CLNK: variants seen among roughly 807,000 people sequenced by gnomAD.
The protein encoded by CLNK is cytokine dependent hematopoietic cell linker, also known as cytokine-dependent hematopoietic cell linker.
In CLNK, 74 loss-of-function variants were observed where a neutral mutation model predicts 68.6. The ratio of observed to expected loss-of-function variants is 1.08; its 90% CI spans 0.89 to 1.31. The LOEUF (loss-of-function observed/expected upper bound fraction) is 1.31, where lower values mean the gene tolerates loss of function less well. Ranked by LOEUF, CLNK falls within the 50% of genes most tolerant of loss-of-function variation. The probability of loss-of-function intolerance (pLI) is 0.00; values close to 1 mark genes in which losing one functional copy is unlikely to be tolerated. For synonymous variants in CLNK, 198 were observed against 172.2 expected (o/e 1.15, Z -1.17); for missense variants, 553 against 515.3 (o/e 1.07, Z -0.71).
intron 2 of CLNK, among the ~76,000 whole-genome samples, chr4:10,637,819 G>T (rs1005970926): frequency 6.6e-6 from 1 of 150,378 alleles, no homozygotes; most frequent in Non-Finnish European, 1.5e-5. Flanking sequence ...AGCCAGGATG[G>T]TCTCGATCTC....
intron 2 of CLNK, among the ~76,000 whole-genome samples, chr4:10,631,111 C>T (rs1722873142): frequency 6.6e-6 from 1 of 151,188 alleles, no homozygotes; most frequent in Admixed American, 6.6e-5. Context: ...CTCTTTTGGC[C>T]TTCTGTGTCT....
chr4:10,501,284 G>T lies in CLNK; in HGVS notation c.1112C>A (p.Ala371Asp), dbSNP rs1301603094. The change falls in exon 18 of 19, where the codon GCC becomes GAC. Residue 371 changes from alanine (A) to aspartate (D), a missense_variant. Physicochemically the swap from Ala to Asp is moderately radical, Grantham distance 126. Transcript: ENST00000226951. The stretch of plus-strand genomic sequence containing the variant: ...ATCTCCTCTGAGTCCTGTCCCCAGG[G>T]CAAACTGCTGATTCCTCTCCAGGAA... Reference protein sequence around the residue: ...IRFLERNQQFALGTGLRGDEK... With the variant: ...IRFLERNQQFDLGTGLRGDEK... The T allele has an allele frequency of 5.0e-6, 8 of 1,601,184 alleles. 1 individual carries two copies. In the South Asian group the frequency reaches 9.0e-5, roughly 18 times the overall value.
chr4:10,520,858 A>G, intron 14 of CLNK, 27 bp from the exon 15 acceptor site: 1 of 1,554,604 alleles, frequency 6.4e-7, no homozygotes, highest in Non-Finnish European at 8.8e-7. Flanking sequence ...TAAAATTCAA[A>G]GAATGTTAGT....
At chr4:10,599,241 C>T (rs1056756403) in intron 2 of CLNK, among the ~76,000 whole-genome samples, 1 of 152,094 alleles carries the variant, frequency 6.6e-6, no homozygotes, top group Non-Finnish European at 1.5e-5. Context: ...GACACTCACA[C>T]ATGTACACAA....
intron 18 of CLNK, among the ~76,000 whole-genome samples, chr4:10,495,082 C>G (rs1716753004): frequency 1.3e-5 from 2 of 151,684 alleles, no homozygotes; most frequent in Non-Finnish European, 2.9e-5. Context: ...AGGAAGGAGA[C>G]AGAGAAGGTG....
At position 10,556,378 on chromosome 4, in the gene CLNK, G is replaced by A. The variant is rs189435028; in HGVS notation, c.445+2029C>T. On this transcript the variant is annotated intron_variant, in intron 8 of 18. Coordinates refer to ENST00000226951, the MANE Select transcript of CLNK (RefSeq NM_052964.4). Reference sequence around the variant, plus strand: ...TCTTTATTTTAATTATGTCATCTATGTAGATTTTCTTCTATTTTATTGTTC... The same window carrying A: ...TCTTTATTTTAATTATGTCATCTATATAGATTTTCTTCTATTTTATTGTTC... 3.2e-4 allele frequency among the ~76,000 whole-genome samples: 49 copies of A among 152,212 alleles called. 1 individual carries two copies. The highest frequency in any genetic ancestry group is 6.8e-3 in the Middle Eastern group (2 of 294).
chr4:10,580,183 T>A (rs1342342138), intron 4 of CLNK, among the ~76,000 whole-genome samples: 1 of 152,202 alleles, frequency 6.6e-6, no homozygotes, highest in Non-Finnish European at 1.5e-5. Flanking sequence ...CCTAATGATG[T>A]TGTAGCCATT....
At chr4:10,539,705 T>G (rs1254912580) in intron 11 of CLNK, among the ~76,000 whole-genome samples, 1 of 152,208 alleles carries the variant, frequency 6.6e-6, no homozygotes, top group East Asian at 1.9e-4. Context: ...GTACTTAATA[T>G]CAGAGGGATG....
the CLNK span, among the ~76,000 whole-genome samples, chr4:10,728,988 T>G: frequency 6.6e-6 from 1 of 152,224 alleles, no homozygotes; most frequent in Non-Finnish European, 1.5e-5. Context: ...ATACAGCAAT[T>G]AATTATTCTG....
At chr4:10,608,405 C>A (rs2108852120) in intron 2 of CLNK, among the ~76,000 whole-genome samples, 3 of 152,294 alleles carry the variant, frequency 2.0e-5, no homozygotes, top group Middle Eastern at 6.8e-3. Context: ...CTTCTGGTAC[C>A]AGCACAGATG....
chr4:10,719,059 C>T, the CLNK span, among the ~76,000 whole-genome samples: 1 of 151,938 alleles, frequency 6.6e-6, no homozygotes, highest in African/African-American at 2.4e-5. Flanking sequence ...CAGTCAAAAA[C>T]TCCATAGATA....
At chr4:10,601,150 A>T (rs1256203863) in intron 2 of CLNK, among the ~76,000 whole-genome samples, 1 of 152,174 alleles carries the variant, frequency 6.6e-6, no homozygotes, top group African/African-American at 2.4e-5. Context: ...AGTGGAGAGC[A>T]TTTAGTTCCA....
upstream of CLNK, among the ~76,000 whole-genome samples, chr4:10,685,561 C>T (rs1238293557): frequency 6.6e-6 from 1 of 152,134 alleles, no homozygotes; most frequent in Admixed American, 6.5e-5. Context: ...GGAGACTTGA[C>T]ATTCTAGTTT....
the CLNK span, among the ~76,000 whole-genome samples, chr4:10,734,658 G>A: frequency 6.6e-6 from 1 of 152,148 alleles, no homozygotes; most frequent in Admixed American, 6.5e-5. Flanking sequence ...AAAATTCCTG[G>A]TATTTTACAT....
At chr4:10,668,196 G>A (rs1724482753) in intron 1 of CLNK, among the ~76,000 whole-genome samples, 1 of 152,186 alleles carries the variant, frequency 6.6e-6, no homozygotes, top group African/African-American at 2.4e-5. Context: ...GCGTGCAATT[G>A]TGTGCTTCCC....
intron 2 of CLNK, among the ~76,000 whole-genome samples, chr4:10,656,285 A>G (rs974003131): frequency 2.6e-5 from 4 of 151,446 alleles, no homozygotes; most frequent in African/African-American, 9.7e-5. Context: ...GTGCAGAATA[A>G]ATAAATAATG....
rs1718966270 is a variant in CLNK at position 10,540,418 on chromosome 4, GT to G, written c.602+75del. On this transcript the variant is annotated intron_variant, in intron 11 of 18. Transcript: ENST00000226951. ...GGGAGCCTGCTCTGAAAGGTACTTT[GT>G]TTGGTTTCCCTTGTCCCCCTCCCCC... 5 of 1,101,082 alleles carry G rather than the reference GT, an allele frequency of 4.5e-6. No homozygotes were observed. The East Asian group carries it at 1.2e-4, about 26-fold the overall frequency. 68.2% of individuals were successfully genotyped at this position (1,101,082 alleles called of 1,614,324 possible).
intron 8 of CLNK, among the ~76,000 whole-genome samples, chr4:10,556,579 C>A (rs575796817): frequency 1.3e-5 from 2 of 152,270 alleles, no homozygotes; most frequent in African/African-American, 4.8e-5. Context: ...TTATGAAGTT[C>A]ATTTCTCATC....
the CLNK span, among the ~76,000 whole-genome samples, chr4:10,696,491 T>C: frequency 6.6e-6 from 1 of 152,132 alleles, no homozygotes; most frequent in Non-Finnish European, 1.5e-5. Flanking sequence ...CACACGGCAG[T>C]CTAGGGGAGC....
Sources: allele counts gnomAD v4.1 joint callset (sites outside exome capture counted in the v4.1 genomes callset), GRCh38; gene constraint gnomAD v4.1.1; transcripts MANE v1.5; gene names NCBI Gene and HGNC (gene_info 2026-07-23, HGNC 2026-07-21).